The following NCOA7 variants were observed in gnomAD, a reference collection of about 807,000 sequenced individuals.
NCOA7 encodes 140 kDa estrogen receptor-associated protein.
A neutral mutation model predicts 104.3 loss-of-function variants in NCOA7; 45 were observed. That is an observed-to-expected ratio of 0.43 (90% CI 0.34 to 0.55). The LOEUF is 0.55. NCOA7 is among the 20% of genes least tolerant of loss of function. NCOA7 has a pLI of 0.02. For synonymous variants in NCOA7, 398 were observed against 402.3 expected (o/e 0.99, Z 0.13); for missense variants, 1,041 against 1,119.7 (o/e 0.93, Z 1.00).
intron 3 of NCOA7, among the ~76,000 whole-genome samples, chr6:125,857,940 C>T (rs968323738): frequency 6.6e-6 from 1 of 151,442 alleles, no homozygotes; most frequent in African/African-American, 2.4e-5. Context: ...ATAGGATAAC[C>T]TTTTTATGTG....
intron 3 of NCOA7, among the ~76,000 whole-genome samples, chr6:125,856,524 T>C (rs1234727096): frequency 6.6e-6 from 1 of 152,010 alleles, no homozygotes; most frequent in Non-Finnish European, 1.5e-5. Flanking sequence ...GGCTAATTTT[T>C]TGTATATTTA....
chr6:125,907,525 G>A (rs553749022), intron 10 of NCOA7, among the ~76,000 whole-genome samples: 1 of 152,160 alleles, frequency 6.6e-6, no homozygotes, highest in African/African-American at 2.4e-5. Context: ...AGGGCCACTC[G>A]GGACATCTCA....
chr6:125,817,465 T>G, intron 2 of NCOA7, among the ~76,000 whole-genome samples: 1 of 152,236 alleles, frequency 6.6e-6, no homozygotes, highest in Non-Finnish European at 1.5e-5. Flanking sequence ...GCTATTCTGA[T>G]AAGTATGTAG....
chr6:125,902,353 C>T (rs565663714), intron 10 of NCOA7, among the ~76,000 whole-genome samples: 1 of 152,258 alleles, frequency 6.6e-6, no homozygotes, highest in East Asian at 1.9e-4. Context: ...TTCTTATCTT[C>T]ATTTTGGAAG....
At chr6:125,912,208 C>T (rs951870340) in intron 10 of NCOA7, among the ~76,000 whole-genome samples, 2 of 152,040 alleles carry the variant, frequency 1.3e-5, no homozygotes, top group African/African-American at 4.8e-5. Flanking sequence ...CTGATTGTCA[C>T]CTGGAGAGAC....
At chr6:125,808,813 A>T (rs1371763988) in intron 1 of NCOA7, among the ~76,000 whole-genome samples, 5 of 152,198 alleles carry the variant, frequency 3.3e-5, no homozygotes, top group Admixed American at 6.5e-5. Flanking sequence ...TTATAAAATG[A>T]TCTGTCTAGC....
rs1318793809 is a variant in NCOA7, at chr6:125,840,858, T to G, written c.51-14162T>G. 4.1e-5 allele frequency among the ~76,000 whole-genome samples: 6 copies of G among 144,794 alleles called. 1 individual carries two copies. In the South Asian group the frequency reaches 1.1e-3, roughly 27 times the overall value. The allele number at this position is 144,794 out of a possible 152,430, so 95.0% of individuals were successfully genotyped here. ...TTATTTTACCTTTTATGGTTTTTTT[T>G]GTTTGGTTGGTTTTTTTTTTTTTTT... On this transcript the variant is annotated intron_variant, in intron 2 of 15. Transcript: ENST00000392477.
At chr6:125,824,820 G>A (rs475260) in intron 2 of NCOA7, among the ~76,000 whole-genome samples, 4 of 151,928 alleles carry the variant, frequency 2.6e-5, no homozygotes, top group Non-Finnish European at 4.4e-5. Flanking sequence ...GTGCAGTGGC[G>A]TGATCTCGGC....
intron 1 of NCOA7, among the ~76,000 whole-genome samples, chr6:125,792,412 G>T (rs766546703): frequency 2.6e-5 from 4 of 152,138 alleles, no homozygotes; most frequent in Non-Finnish European, 4.4e-5. Flanking sequence ...TGGTAATCAT[G>T]CCAACTTCAA....
At chr6:125,785,869 C>T (rs1774440912) in intron 1 of NCOA7, among the ~76,000 whole-genome samples, 2 of 152,092 alleles carry the variant, frequency 1.3e-5, no homozygotes, top group Non-Finnish European at 2.9e-5. Context: ...GACAACAATC[C>T]ATGTCTATAT....
At chr6:125,898,662 T>A (rs1330743303) in intron 10 of NCOA7, among the ~76,000 whole-genome samples, 4 of 152,186 alleles carry the variant, frequency 2.6e-5, no homozygotes, top group Non-Finnish European at 5.9e-5. Flanking sequence ...CACAAAAATA[T>A]CTTAAGCCTT....
intron 1 of NCOA7, among the ~76,000 whole-genome samples, 198 bp downstream of exon 1, chr6:125,791,265 G>T (rs1431390663): frequency 6.6e-6 from 1 of 152,236 alleles, no homozygotes; most frequent in East Asian, 1.9e-4. Context: ...GAGGCCGAGC[G>T]GGGGCGAAGG....
intron 2 of NCOA7, among the ~76,000 whole-genome samples, chr6:125,838,378 G>A (rs576516858): frequency 6.6e-6 from 1 of 152,212 alleles, no homozygotes; most frequent in African/African-American, 2.4e-5. Context: ...CATCAGAGAG[G>A]ATAGGTGGTA....
chr6:125,922,595 G>T, intron 12 of NCOA7, 87 bp from the exon 13 acceptor site: 1 of 1,491,936 alleles, frequency 6.7e-7, no homozygotes, highest in Non-Finnish European at 9.1e-7. Flanking sequence ...TACTGAGTTT[G>T]AATAACAGGC....
At chr6:125,820,775 G>A (rs912508756) in intron 2 of NCOA7, among the ~76,000 whole-genome samples, 1 of 152,140 alleles carries the variant, frequency 6.6e-6, no homozygotes. Context: ...TCAGATCAGG[G>A]AAGAAGGAAC....
At chr6:125,855,468 T>C (rs778378486) in intron 3 of NCOA7, 14 of 439,276 alleles carry the variant, frequency 3.2e-5, no homozygotes, top group Non-Finnish European at 4.9e-5. Context: ...CCAGAATGTA[T>C]TGTGTACTAC....
intron 10 of NCOA7, among the ~76,000 whole-genome samples, chr6:125,903,630 T>C (rs1366823333): frequency 6.6e-6 from 1 of 152,216 alleles, no homozygotes; most frequent in Non-Finnish European, 1.5e-5. Context: ...GTAATTTTTT[T>C]TACTTAGTCT....
chr6:125,788,698 A>ATTTTTTTTTTTTTTTTTTTTTT (rs60048395), upstream of NCOA7, among the ~76,000 whole-genome samples: 2 of 121,916 alleles, frequency 1.6e-5, no homozygotes, highest in East Asian at 2.5e-4. Flanking sequence ...CACCCAGCTA[A>ATTTTTTTTTTTTTTTTTTTTTT]TTTTTTTTTT....
intron 10 of NCOA7, among the ~76,000 whole-genome samples, chr6:125,912,522 C>T (rs1049023021): frequency 2.6e-5 from 4 of 152,192 alleles, no homozygotes; most frequent in African/African-American, 9.7e-5. Context: ...TGTATGGAGG[C>T]TGTGAAGGCC....
Sources: allele counts gnomAD v4.1 joint callset (sites outside exome capture counted in the v4.1 genomes callset), GRCh38; gene constraint gnomAD v4.1.1; transcripts MANE v1.5; gene names NCBI Gene and HGNC (gene_info 2026-07-23, HGNC 2026-07-21).